CTNNA3: variants seen among roughly 807,000 people sequenced by gnomAD.
CTNNA3 encodes the protein catenin alpha 3.
Under a neutral mutation model 95.7 loss-of-function variants are expected in CTNNA3, and 76 were observed. The ratio of observed to expected loss-of-function variants is 0.79; its 90% CI spans 0.66 to 0.96. CTNNA3 has a LOEUF of 0.96. Ranked by LOEUF, CTNNA3 falls within the 40% of genes least tolerant of loss-of-function variation. CTNNA3 has a pLI of 0.00. For missense variants in CTNNA3, 1,191 were observed against 1,089.8 expected (o/e 1.09, Z -1.31); for synonymous variants, 431 against 374.4 (o/e 1.15, Z -1.74).
Position 65,915,154 on chromosome 10 carries a change from C to T in CTNNA3, c.*5176G>A, listed in dbSNP as rs982371358. 1 of 152,108 alleles carries T rather than the reference C, an allele frequency of 6.6e-6. No individual in the cohort carries two copies. The highest frequency in any genetic ancestry group is 1.5e-5 in the Non-Finnish European group (1 of 68,012). 9.4% of individuals were successfully genotyped at this position (152,108 alleles called of 1,614,324 possible). On this transcript the variant is annotated 3_prime_UTR_variant, in exon 18 of 18. Transcript: ENST00000433211. ...AACAAATAGCTGTTAAATATATGAACGTATGGTAACCCAGATTGGCTCTAA... is the reference window on the plus strand; with the variant it reads ...AACAAATAGCTGTTAAATATATGAATGTATGGTAACCCAGATTGGCTCTAA...
chr10:66,351,640 A>G (rs2132393045), intron 12 of CTNNA3, among the ~76,000 whole-genome samples: 1 of 152,156 alleles, frequency 6.6e-6, no homozygotes, highest in East Asian at 1.9e-4. Flanking sequence ...CACATTGTAG[A>G]TATTTACAAA....
At chr10:67,577,684 G>A (rs1842213310) in intron 3 of CTNNA3, among the ~76,000 whole-genome samples, 1 of 142,716 alleles carries the variant, frequency 7.0e-6, no homozygotes, top group African/African-American at 2.8e-5. Context: ...GTGTGTATGT[G>A]TATATATATA....
At chr10:67,184,882 G>C (rs10997555) in intron 6 of CTNNA3, among the ~76,000 whole-genome samples, 21,298 of 152,090 alleles carry the variant, frequency 0.14, 1,988 homozygotes, top group African/African-American at 0.27. Context: ...CTTTCTCAGT[G>C]CCTCAAAATA....
At chr10:67,518,845 A>C (rs1839899042) in intron 5 of CTNNA3, among the ~76,000 whole-genome samples, 1 of 152,082 alleles carries the variant, frequency 6.6e-6, no homozygotes, top group Admixed American at 6.6e-5. Context: ...GAAGGATGAA[A>C]ACCAAGTAGT....
At chr10:66,907,619 T>C (rs1441041860) in intron 7 of CTNNA3, among the ~76,000 whole-genome samples, 1 of 152,168 alleles carries the variant, frequency 6.6e-6, no homozygotes. Flanking sequence ...TTAGGAACTT[T>C]CAGATTTATA....
At chr10:66,630,701 G>A (rs952056961) in intron 9 of CTNNA3, among the ~76,000 whole-genome samples, 3 of 152,210 alleles carry the variant, frequency 2.0e-5, no homozygotes, top group Non-Finnish European at 2.9e-5. Context: ...ATGACCTCTG[G>A]CTAACAAGTC....
Position 67,219,830 on chromosome 10 carries a change from G to A in CTNNA3, c.620C>T (p.Ala207Val). 6.2e-7 allele frequency: 1 copy of A among 1,612,764 alleles called. No individual in the cohort carries two copies. The highest frequency in any genetic ancestry group is 8.5e-7 in the Non-Finnish European group (1 of 1,179,124). The change falls in exon 6 of 18, where the codon GCC becomes GTC. Residue 207 changes from alanine (A) to valine (V), a missense_variant. Coordinates refer to ENST00000433211, the MANE Select transcript of CTNNA3 (RefSeq NM_013266.4). ...SPNQRDEIAGARASLKENSPL... is the reference protein window; with the variant it reads ...SPNQRDEIAGVRASLKENSPL... ...AGAGTTCTCCTTCAGTGAAGCTCGGGCTCCTGCAATTTCATCTCTCTGATT... is the reference window on the plus strand; with the variant it reads ...AGAGTTCTCCTTCAGTGAAGCTCGGACTCCTGCAATTTCATCTCTCTGATT...
chr10:66,863,220 T>C (rs995600413), intron 7 of CTNNA3, among the ~76,000 whole-genome samples: 46 of 145,544 alleles, frequency 3.2e-4, no homozygotes, highest in Middle Eastern at 3.5e-3. Context: ...CGCACACACA[T>C]ATATATATAT....
intron 15 of CTNNA3, among the ~76,000 whole-genome samples, chr10:66,004,036 T>C (rs1449438546): frequency 6.6e-6 from 1 of 152,186 alleles, no homozygotes; most frequent in African/African-American, 2.4e-5. Flanking sequence ...ACTCCTTAAC[T>C]TTTCTCCAAC....
intron 12 of CTNNA3, among the ~76,000 whole-genome samples, chr10:66,322,793 C>T (rs2092206824): frequency 6.6e-6 from 1 of 152,014 alleles, no homozygotes; most frequent in South Asian, 2.1e-4. Context: ...TGGTGACTTA[C>T]TGGAGACCAA....
chr10:66,833,322 T>C (rs1842785694), intron 7 of CTNNA3, among the ~76,000 whole-genome samples: 2 of 152,188 alleles, frequency 1.3e-5, no homozygotes. Flanking sequence ...TCAGTAGGCA[T>C]TGAATCCACC....
chr10:67,652,289 A>G (rs1282938995), intron 1 of CTNNA3, among the ~76,000 whole-genome samples: 2 of 152,234 alleles, frequency 1.3e-5, no homozygotes, highest in Admixed American at 1.3e-4. Context: ...TTGCAGTGGC[A>G]GGTGGGGAAG....
intron 7 of CTNNA3, among the ~76,000 whole-genome samples, chr10:67,013,541 T>C (rs1852469710): frequency 6.6e-6 from 1 of 152,194 alleles, no homozygotes; most frequent in Admixed American, 6.5e-5. Context: ...TACTGAACTA[T>C]ACCATGACCT....
chr10:67,084,808 A>T (rs1028347801), intron 7 of CTNNA3, among the ~76,000 whole-genome samples: 8 of 151,998 alleles, frequency 5.3e-5, no homozygotes, highest in Non-Finnish European at 8.8e-5. Flanking sequence ...TTTATAAATT[A>T]AGGTTCATCC....
At chr10:66,264,439 T>C (rs1247336909) in intron 13 of CTNNA3, among the ~76,000 whole-genome samples, 5 of 152,038 alleles carry the variant, frequency 3.3e-5, no homozygotes, top group African/African-American at 1.2e-4. Flanking sequence ...AAGCAACATA[T>C]GTAATTTTTA....
intron 13 of CTNNA3, among the ~76,000 whole-genome samples, chr10:66,232,780 G>T (rs1321275205): frequency 6.6e-6 from 1 of 152,120 alleles, no homozygotes. Context: ...AAAGATGATT[G>T]ATTTGATAAT....
chr10:65,921,564 G>A (rs1012477544), intron 17 of CTNNA3, among the ~76,000 whole-genome samples: 2 of 152,162 alleles, frequency 1.3e-5, no homozygotes, highest in Non-Finnish European at 1.5e-5. Context: ...CCAGACATAC[G>A]CCTTACATGA....
intron 11 of CTNNA3, among the ~76,000 whole-genome samples, chr10:66,514,492 T>G (rs1840770902): frequency 6.6e-6 from 1 of 152,172 alleles, no homozygotes; most frequent in African/African-American, 2.4e-5. Context: ...ATCAGAACAC[T>G]CCACAATAAG....
chr10:67,511,574 A>C (rs1839630227), intron 5 of CTNNA3, among the ~76,000 whole-genome samples: 1 of 152,130 alleles, frequency 6.6e-6, no homozygotes, highest in Non-Finnish European at 1.5e-5. Context: ...AAGCTTTTTG[A>C]TGCGCTGCTG....
Sources: allele counts gnomAD v4.1 joint callset (sites outside exome capture counted in the v4.1 genomes callset), GRCh38; gene constraint gnomAD v4.1.1; transcripts MANE v1.5; gene names NCBI Gene and HGNC (gene_info 2026-07-23, HGNC 2026-07-21).